RBFOX1: variants seen among roughly 807,000 people sequenced by gnomAD.
The protein encoded by RBFOX1 is RNA binding protein fox-1 homolog 1.
RBFOX1 carries 8 observed loss-of-function variants against 57.7 expected under a neutral mutation model. The ratio of observed to expected loss-of-function variants is 0.14; its 90% CI spans 0.08 to 0.25. The LOEUF (loss-of-function observed/expected upper bound fraction) is 0.25. RBFOX1 is among the 10% of genes least tolerant of loss of function. The pLI is 1.00. For synonymous variants in RBFOX1, 326 were observed against 222.4 expected, an observed-to-expected ratio of 1.47 and a Z score of -4.15; for missense variants, 611 against 548.5, an observed-to-expected ratio of 1.11 and a Z score of -1.14.
At chr16:5,430,718 C>T (rs900663338) in intron 1 of RBFOX1, among the ~76,000 whole-genome samples, 4 of 152,178 alleles carry the variant, frequency 2.6e-5, no homozygotes, top group East Asian at 1.9e-4. Context: ...CTTCCTGCTG[C>T]GCCAAAATGA....
chr16:6,890,476 A>T (rs1387977048), intron 3 of RBFOX1, among the ~76,000 whole-genome samples: 1 of 152,148 alleles, frequency 6.6e-6, no homozygotes, highest in Admixed American at 6.6e-5. Context: ...CTGAGATAGC[A>T]CCATGGCACT....
At chr16:6,840,489 G>C (rs563531165) in intron 3 of RBFOX1, among the ~76,000 whole-genome samples, 1 of 152,084 alleles carries the variant, frequency 6.6e-6, no homozygotes, top group African/African-American at 2.4e-5. Flanking sequence ...CCCTAAATTT[G>C]TGTGTTGAAA....
chr16:5,547,754 A>G (rs148242027), intron 2 of RBFOX1, among the ~76,000 whole-genome samples: 1 of 152,278 alleles, frequency 6.6e-6, no homozygotes, highest in East Asian at 1.9e-4. Context: ...AGCAATATGG[A>G]TCCAACTGGA....
In RBFOX1 at chr16:7,306,145, G is replaced by A. The variant is rs143750686; in HGVS notation, c.28-212002G>A. Among the ~76,000 whole-genome samples the A allele has an allele frequency of 1.8e-3, 270 of 151,916 alleles. 2 individuals carry two copies. The highest frequency in any genetic ancestry group is 3.4e-3 in the Middle Eastern group (1 of 294). ...ATGCTATAGGTACTCAATGTTCTCCGTTCCTTTGTGTGGTGGTGTTTGTGT... is the reference window on the plus strand; with the variant it reads ...ATGCTATAGGTACTCAATGTTCTCCATTCCTTTGTGTGGTGGTGTTTGTGT... On this transcript the variant is annotated intron_variant, in intron 4 of 15. Transcript: ENST00000550418.
At chr16:5,352,383 A>C (rs188843899) in intron 1 of RBFOX1, among the ~76,000 whole-genome samples, 5 of 152,326 alleles carry the variant, frequency 3.3e-5, no homozygotes, top group African/African-American at 1.2e-4. Context: ...GTCTCAAATA[A>C]TTTCAAACCT....
intron 1 of RBFOX1, among the ~76,000 whole-genome samples, chr16:5,368,697 G>T (rs985345611): frequency 9.9e-5 from 15 of 152,146 alleles, no homozygotes; most frequent in Admixed American, 2.6e-4. Context: ...CCTTTCAGGG[G>T]GGCAGGAGGG....
At chr16:7,309,108 C>G (rs1194273690) in intron 4 of RBFOX1, among the ~76,000 whole-genome samples, 1 of 152,126 alleles carries the variant, frequency 6.6e-6, no homozygotes, top group Admixed American at 6.5e-5. Context: ...ATTTCCAGGC[C>G]CAGGTGGCTG....
At chr16:5,391,788 T>A (rs1712500) in intron 1 of RBFOX1, among the ~76,000 whole-genome samples, 1 of 150,972 alleles carries the variant, frequency 6.6e-6, no homozygotes, top group Non-Finnish European at 1.5e-5. Context: ...GCCCATCAAT[T>A]AATGAGTGGA....
At chr16:5,469,681 GC>G (rs1301564852) in intron 2 of RBFOX1, among the ~76,000 whole-genome samples, 3 of 151,910 alleles carry the variant, frequency 2.0e-5, no homozygotes, top group Admixed American at 6.6e-5. Flanking sequence ...TCCATCCCCA[GC>G]CCCTGACAAC....
intron 3 of RBFOX1, among the ~76,000 whole-genome samples, chr16:6,808,160 A>ATG (rs373756020): frequency 0.15 from 21,190 of 139,784 alleles, 1,558 homozygotes; most frequent in Non-Finnish European, 0.16. Context: ...TACCTTATAT[A>ATG]TGTGTGTGTG....
chr16:7,473,066 C>T (rs987642638), intron 4 of RBFOX1, among the ~76,000 whole-genome samples: 2 of 152,196 alleles, frequency 1.3e-5, no homozygotes, highest in East Asian at 1.9e-4. Context: ...TTGATACAAA[C>T]GATGAATAGC....
intron 4 of RBFOX1, among the ~76,000 whole-genome samples, chr16:7,475,119 C>T (rs1335596671): frequency 6.6e-6 from 1 of 151,950 alleles, no homozygotes; most frequent in Non-Finnish European, 1.5e-5. Flanking sequence ...TTTCATGGCC[C>T]CGAGCTTTTC....
chr16:6,839,322 T>A (rs748392674), intron 3 of RBFOX1, among the ~76,000 whole-genome samples: 7 of 152,150 alleles, frequency 4.6e-5, no homozygotes, highest in Non-Finnish European at 7.3e-5. Context: ...CTGAAAACGA[T>A]AACTCCTCAC....
intron 3 of RBFOX1, among the ~76,000 whole-genome samples, chr16:5,844,606 G>A (rs2056705292): frequency 6.6e-6 from 1 of 152,148 alleles, no homozygotes; most frequent in Admixed American, 6.5e-5. Context: ...AAGGAAGGGG[G>A]AAAAATAAGC....
chr16:7,406,999 A>C (rs1346588446), intron 4 of RBFOX1, among the ~76,000 whole-genome samples: 1 of 152,144 alleles, frequency 6.6e-6, no homozygotes, highest in African/African-American at 2.4e-5. Context: ...TAAGGACCCA[A>C]GTGAGTATGC....
intron 2 of RBFOX1, among the ~76,000 whole-genome samples, chr16:6,518,363 G>C (rs953211666): frequency 1.3e-5 from 2 of 152,164 alleles, no homozygotes; most frequent in East Asian, 3.9e-4. Flanking sequence ...CATGGCTCAA[G>C]GCTTTCTGTG....
At chr16:7,185,003 C>T (rs1225643360) in intron 4 of RBFOX1, among the ~76,000 whole-genome samples, 2 of 152,108 alleles carry the variant, frequency 1.3e-5, no homozygotes, top group Non-Finnish European at 2.9e-5. Flanking sequence ...AGGATAGCCC[C>T]ACTTTGCCAA....
intron 10 of RBFOX1, among the ~76,000 whole-genome samples, chr16:7,629,272 G>A (rs115238874): frequency 5.5e-4 from 84 of 152,286 alleles, no homozygotes; most frequent in African/African-American, 1.9e-3. Flanking sequence ...TCACCGTGCA[G>A]TCCCTCTGTG....
intron 2 of RBFOX1, among the ~76,000 whole-genome samples, chr16:5,536,344 C>T (rs577728514): frequency 6.6e-6 from 1 of 150,718 alleles, no homozygotes; most frequent in Admixed American, 6.6e-5. Flanking sequence ...AAGCGATTCT[C>T]CTGCCTCAGC....
Sources: allele counts gnomAD v4.1 joint callset (sites outside exome capture counted in the v4.1 genomes callset), GRCh38; gene constraint gnomAD v4.1.1; transcripts MANE v1.5; gene names NCBI Gene and HGNC (gene_info 2026-07-23, HGNC 2026-07-21).